Variants in PCDH9 observed in about 807,000 individuals in gnomAD.
The protein encoded by PCDH9 is protocadherin 9.
PCDH9 carries 24 observed loss-of-function variants against 70.6 expected under a neutral mutation model. The ratio of observed to expected loss-of-function variants is 0.34; its 90% CI spans 0.25 to 0.48. The LOEUF is 0.48. PCDH9 is among the 20% of genes least tolerant of loss of function. The probability of loss-of-function intolerance (pLI) is 0.99; values close to 1 mark genes in which losing one functional copy is unlikely to be tolerated. For missense variants in PCDH9, 1,281 were observed against 1,503.6 expected (o/e 0.85, Z 2.45); for synonymous variants, 562 against 558.5 (o/e 1.01, Z -0.09).
At chr13:66,391,350 A>G (rs1957014381) in intron 4 of PCDH9, among the ~76,000 whole-genome samples, 1 of 152,190 alleles carries the variant, frequency 6.6e-6, no homozygotes, top group South Asian at 2.1e-4. Context: ...TTCCTAATGA[A>G]AGTTGCATAA....
intron 3 of PCDH9, among the ~76,000 whole-genome samples, chr13:66,887,364 A>G (rs763589521): frequency 1.3e-5 from 2 of 151,996 alleles, no homozygotes; most frequent in Non-Finnish European, 2.9e-5. Context: ...AAAAACGGAG[A>G]CGTGCATTCT....
At chr13:67,206,175 G>A in intron 2 of PCDH9, 1 of 150,618 alleles carries the variant, frequency 6.6e-6, no homozygotes, top group Non-Finnish European at 1.5e-5. Context: ...TTTTTTGTTT[G>A]CTTGTTTTGA....
At chr13:67,161,663 T>C (rs1353202709) in intron 2 of PCDH9, among the ~76,000 whole-genome samples, 1 of 152,164 alleles carries the variant, frequency 6.6e-6, no homozygotes, top group African/African-American at 2.4e-5. Flanking sequence ...AATGTACCAC[T>C]CACAGTGTAC....
intron 3 of PCDH9, among the ~76,000 whole-genome samples, chr13:66,861,167 T>C (rs886987375): frequency 6.6e-6 from 1 of 152,174 alleles, no homozygotes; most frequent in African/African-American, 2.4e-5. Context: ...CCAAATGTAC[T>C]TGAAAGATAG....
At chr13:66,739,468 C>A (rs2079218427) in intron 3 of PCDH9, among the ~76,000 whole-genome samples, 1 of 149,984 alleles carries the variant, frequency 6.7e-6, no homozygotes, top group East Asian at 2.0e-4. Context: ...ATCATAATGA[C>A]AGGATCAAAT....
rs1371410768 is a variant in PCDH9, at chr13:66,331,044, G to A, written c.3341-26016C>T. On this transcript the variant is annotated intron_variant, in intron 4 of 4. Coordinates refer to ENST00000377865, the MANE Select transcript of PCDH9 (RefSeq NM_203487.3). Reference sequence around the variant, plus strand: ...ATAGTTCGAAGGATCCTGATTAGGAGTCAGTGGAATGAGTCTCAGAAAATC... The same window carrying A: ...ATAGTTCGAAGGATCCTGATTAGGAATCAGTGGAATGAGTCTCAGAAAATC... 2.0e-5 allele frequency among the ~76,000 whole-genome samples: 3 copies of A among 152,314 alleles called. No homozygotes were observed. The East Asian group carries it at 5.8e-4, about 29-fold the overall frequency.
chr13:66,824,888 C>A (rs2080790804), intron 3 of PCDH9, among the ~76,000 whole-genome samples: 1 of 151,416 alleles, frequency 6.6e-6, no homozygotes, highest in Non-Finnish European at 1.5e-5. Context: ...AGACTCTATC[C>A]TCATAACAGG....
chr13:66,802,972 A>G (rs1428327669), intron 3 of PCDH9, among the ~76,000 whole-genome samples: 1 of 152,188 alleles, frequency 6.6e-6, no homozygotes, highest in African/African-American at 2.4e-5. Context: ...GCAGTCAAGT[A>G]ATAAAGCACA....
intron 3 of PCDH9, chr13:66,876,765 C>T (rs1389582811): frequency 6.6e-6 from 1 of 152,006 alleles, no homozygotes; most frequent in African/African-American, 2.4e-5. Context: ...AGGCAAAATG[C>T]AACCTTATAG....
chr13:67,113,740 G>T (rs2086705546), intron 2 of PCDH9, among the ~76,000 whole-genome samples: 1 of 152,050 alleles, frequency 6.6e-6, no homozygotes, highest in South Asian at 2.1e-4. Flanking sequence ...GTAGAGAGGG[G>T]GTTTCACTGC....
At chr13:66,588,614 T>A (rs2076996169) in intron 4 of PCDH9, among the ~76,000 whole-genome samples, 1 of 151,624 alleles carries the variant, frequency 6.6e-6, no homozygotes, top group Non-Finnish European at 1.5e-5. Context: ...TTCTAAATAA[T>A]TTTTTTTCCC....
At chr13:67,203,155 T>C (rs1475851382) in intron 2 of PCDH9, 1 of 152,134 alleles carries the variant, frequency 6.6e-6, no homozygotes, top group East Asian at 1.9e-4. Flanking sequence ...AATAAGAACT[T>C]CAAATATCCT....
chr13:66,703,422 A>G (rs1347306938), intron 3 of PCDH9, among the ~76,000 whole-genome samples: 1 of 152,140 alleles, frequency 6.6e-6, no homozygotes, highest in Non-Finnish European at 1.5e-5. Context: ...AACTGACCTA[A>G]TGAACTTTAG....
intron 4 of PCDH9, among the ~76,000 whole-genome samples, chr13:66,606,378 C>T (rs776228021): frequency 6.6e-6 from 1 of 152,098 alleles, no homozygotes; most frequent in Non-Finnish European, 1.5e-5. Flanking sequence ...CATGAATCCT[C>T]CATTCCAATA....
At chr13:67,109,279 C>T (rs1232629792) in intron 2 of PCDH9, among the ~76,000 whole-genome samples, 1 of 152,070 alleles carries the variant, frequency 6.6e-6, no homozygotes, top group Non-Finnish European at 1.5e-5. Context: ...ATGTTCAGAC[C>T]CTAACATTAT....
At chr13:67,013,738 G>T (rs1368571516) in intron 2 of PCDH9, among the ~76,000 whole-genome samples, 2 of 151,360 alleles carry the variant, frequency 1.3e-5, no homozygotes, top group Non-Finnish European at 3.0e-5. Flanking sequence ...AAAAATCAAA[G>T]ATTAAATAGG....
chr13:66,989,406 T>C (rs959895133), intron 2 of PCDH9, among the ~76,000 whole-genome samples: 21 of 151,952 alleles, frequency 1.4e-4, no homozygotes, highest in African/African-American at 5.1e-4. Context: ...TTAAATGTAC[T>C]AAAATTTAAT....
chr13:66,380,669 G>T (rs1430460048), intron 4 of PCDH9, among the ~76,000 whole-genome samples: 1 of 150,526 alleles, frequency 6.6e-6, no homozygotes, highest in Admixed American at 6.7e-5. Context: ...TCAGCCTCCT[G>T]AGTAACTGGG....
At chr13:66,613,363 T>C (rs2077317293) in intron 4 of PCDH9, among the ~76,000 whole-genome samples, 1 of 152,234 alleles carries the variant, frequency 6.6e-6, no homozygotes, top group South Asian at 2.1e-4. Context: ...TTTAAACCTT[T>C]TGTCTTGCCT....
Sources: gnomAD v4.1 joint callset for allele counts (sites outside exome capture counted in the v4.1 genomes callset) on GRCh38, gnomAD v4.1.1 for gene constraint, MANE v1.5 for transcripts, NCBI Gene and HGNC (gene_info 2026-07-23, HGNC 2026-07-21) for gene names.